Variants in POLR1H observed in about 807,000 individuals in gnomAD.
POLR1H encodes the protein RNA polymerase I subunit H, also known as DNA-directed RNA polymerase I subunit RPA12.
POLR1H carries 5 observed loss-of-function variants against 15.8 expected under a neutral mutation model. That is an observed-to-expected ratio of 0.32 (90% CI 0.17 to 0.67). POLR1H has a LOEUF of 0.67. POLR1H is among the 30% of genes least tolerant of loss of function. The pLI is 0.74. For synonymous variants in POLR1H, 43 were observed against 58.3 expected (o/e 0.74, Z 1.20); for missense variants, 100 against 163.4 (o/e 0.61, Z 2.11).
At chr6:30,061,258 C>T (rs1451498141), upstream of POLR1H, 2 of 389,458 alleles carry the variant, frequency 5.1e-6, no homozygotes, top group East Asian at 8.0e-5. This position sits in a 1 kb window ranked among gnomAD's most constrained non-coding sequence, Gnocchi z 5.0. Flanking sequence ...TGCCCCGCCG[C>T]GGGCGCAGAG....
chr6:30,062,961 C>A (rs1235755016), intron 3 of POLR1H, among the ~76,000 whole-genome samples: 1 of 151,556 alleles, frequency 6.6e-6, no homozygotes, highest in Non-Finnish European at 1.5e-5. Flanking sequence ...ATACTGCAGT[C>A]TTCAACCGCA....
chr6:30,061,332 C>G lies in POLR1H; in HGVS notation c.-193C>G, dbSNP rs7770557. 0.12 allele frequency: 70,581 copies of G among 595,568 alleles called. 5,766 individuals are homozygous for G. Among genetic ancestry groups the G allele is most frequent in the African/African-American group, 0.27 (14,245 of 53,474 alleles). 36.9% of individuals were successfully genotyped at this position (595,568 alleles called of 1,614,324 possible). ...CCGGCCCCTGGAAAGGGTTCCAAGT[C>G]CTTTAGTACCCGACGCTGTCTGGGA... is the stretch of plus-strand genomic sequence containing the variant. On this transcript the variant is annotated 5_prime_UTR_variant, in exon 1 of 4. Transcript: ENST00000332435. The surrounding 1 kb of genome is among the most constrained non-coding windows in gnomAD (Gnocchi z 5.0).
In POLR1H at chr6:30,061,823, G is replaced by A; in HGVS notation, c.146-94G>A. The stretch of plus-strand genomic sequence containing the variant: ...ATGAAAACTGAGGGAAAGGATGTAG[G>A]GCCTCCTGGCCTAACCAGCCAGGGG... On this transcript the variant is annotated intron_variant, in intron 1 of 3. Transcript: ENST00000332435. The surrounding 1 kb of genome is among the most constrained non-coding windows in gnomAD (Gnocchi z 5.0). The A allele has an allele frequency of 6.5e-7, 1 of 1,541,544 alleles. No homozygotes were observed. The highest frequency in any genetic ancestry group is 1.2e-5 in the South Asian group (1 of 86,868).
rs2127297651 is a variant in POLR1H at position 30,064,747 on chromosome 6, G to A, written c.*50G>A. ...TCCCTCCCTCCTTTCGGAAGGTGAA[G>A]GATACTGGGTTTTTAGATGCCTTGT... is the stretch of plus-strand genomic sequence containing the variant. On this transcript the variant is annotated 3_prime_UTR_variant, in exon 4 of 4. Transcript: ENST00000332435. 3.8e-6 allele frequency: 6 copies of A among 1,568,528 alleles called. No individual in the cohort carries two copies. The highest frequency in any genetic ancestry group is 1.4e-5 in the African/African-American group (1 of 73,268).
In POLR1H at chr6:30,061,988, G is replaced by A; in HGVS notation, c.217G>A (p.Glu73Lys). The change falls in exon 2 of 4, where the codon GAG becomes AAG. Residue 73 changes from glutamate (E) to lysine (K), a missense_variant. Physicochemically the swap from Glu to Lys is moderately conservative, Grantham distance 56. Coordinates refer to ENST00000332435, the MANE Select transcript of POLR1H (RefSeq NM_170783.4). The surrounding 1 kb of genome is among the most constrained non-coding windows in gnomAD (Gnocchi z 5.0). ...GGGGACAGCCATGCCTATGTCGGTG[G>A]AGGAAGGGCCTGAGTGCCAGGGACC... ...QLGTAMPMSVEEGPECQGPVV... is the reference protein window; with the variant it reads ...QLGTAMPMSVKEGPECQGPVV... 6.2e-7 allele frequency: 1 copy of A among 1,613,140 alleles called. No individual in the cohort carries two copies. Among genetic ancestry groups the A allele is most frequent in the Non-Finnish European group, 8.5e-7 (1 of 1,180,046 alleles).
intron 2 of POLR1H, 59 bp from the exon 3 acceptor site, chr6:30,062,165 T>C: frequency 6.7e-7 from 1 of 1,495,904 alleles, no homozygotes; most frequent in Admixed American, 1.7e-5. Context: ...GATCGCCTGA[T>C]TCCTGTGGGA....
At chr6:30,062,712 G>C (rs1172898276) in intron 3 of POLR1H, among the ~76,000 whole-genome samples, 1 of 96,188 alleles carries the variant, frequency 1.0e-5, no homozygotes, top group Admixed American at 1.2e-4. Flanking sequence ...CACCACGCCT[G>C]GCTTTTTTTT....
In POLR1H at chr6:30,061,577, AT is replaced by A; in HGVS notation, c.56del (p.Phe19SerfsTer37). ...NTCSSFQSDL[D>X]FCSDCGSVLP... Reference sequence around the variant, plus strand: ...TGCTCCAGCTTTCAGTCGGACCTGGATTTCTGTTCAGATTGCGGCTCGGTCC... The same window carrying A: ...TGCTCCAGCTTTCAGTCGGACCTGGATTCTGTTCAGATTGCGGCTCGGTCC... On this transcript the variant is annotated frameshift_variant, in exon 1 of 4. Transcript: ENST00000332435. LOFTEE classifies it high-confidence loss of function. The surrounding 1 kb of genome is among the most constrained non-coding windows in gnomAD (Gnocchi z 5.0). 1 of 1,612,976 alleles carries A rather than the reference AT, an allele frequency of 6.2e-7. No individual in the cohort carries two copies. Among genetic ancestry groups the A allele is most frequent in the Non-Finnish European group, 8.5e-7 (1 of 1,180,006 alleles).
intron 3 of POLR1H, 122 bp downstream of exon 3, chr6:30,062,455 G>T: frequency 1.7e-6 from 1 of 603,020 alleles, no homozygotes. Flanking sequence ...GTGCAGTTCT[G>T]GTAATAGGGA....
At position 30,061,854 on chromosome 6, in the gene POLR1H, G is replaced by A. The variant is rs1765102371; in HGVS notation, c.146-63G>A. The A allele has an allele frequency of 6.3e-7, 1 of 1,582,318 alleles. No individual in the cohort carries two copies. The highest frequency in any genetic ancestry group is 1.3e-5 in the African/African-American group (1 of 74,216). On this transcript the variant is annotated intron_variant, in intron 1 of 3. Coordinates refer to ENST00000332435, the MANE Select transcript of POLR1H (RefSeq NM_170783.4). The surrounding 1 kb of genome is among the most constrained non-coding windows in gnomAD (Gnocchi z 5.0). ...CTGGCCTAACCAGCCAGGGGAAAGG[G>A]GAGGTTTCCGGTGTCAGCTCTCTCT...
At position 30,061,863 on chromosome 6, in the gene POLR1H, C is replaced by T. The variant is rs745469067; in HGVS notation, c.146-54C>T. The T allele has an allele frequency of 3.0e-5, 47 of 1,590,698 alleles. No individual in the cohort carries two copies. Among genetic ancestry groups the T allele is most frequent in the Non-Finnish European group, 3.8e-5 (44 of 1,161,100 alleles). Reference sequence around the variant, plus strand: ...CCAGCCAGGGGAAAGGGGAGGTTTCCGGTGTCAGCTCTCTCTGGTTGTCTC... The same window carrying T: ...CCAGCCAGGGGAAAGGGGAGGTTTCTGGTGTCAGCTCTCTCTGGTTGTCTC... On this transcript the variant is annotated intron_variant, in intron 1 of 3. Coordinates refer to ENST00000332435, the MANE Select transcript of POLR1H (RefSeq NM_170783.4). The surrounding 1 kb of genome is among the most constrained non-coding windows in gnomAD (Gnocchi z 5.0).
At position 30,061,398 on chromosome 6, in the gene POLR1H, C is replaced by A; in HGVS notation, c.-127C>A. On this transcript the variant is annotated 5_prime_UTR_variant, in exon 1 of 4. Transcript: ENST00000332435. The surrounding 1 kb of genome is among the most constrained non-coding windows in gnomAD (Gnocchi z 5.0). ...GCTCCTTGGTCGCAGAGGCAGGAGG[C>A]GTGCGTGGCAGGAGGGTTCGGGTTA... The A allele has an allele frequency of 9.6e-7, 1 of 1,039,788 alleles. No individual in the cohort carries two copies. The highest frequency in any genetic ancestry group is 1.4e-6 in the Non-Finnish European group (1 of 722,610). The allele number at this position is 1,039,788 out of a possible 1,614,324, so 64.4% of individuals were successfully genotyped here.
In POLR1H at chr6:30,063,088, T is replaced by C. The variant is rs1284275444; in HGVS notation, c.356+755T>C. Among the ~76,000 whole-genome samples the C allele has an allele frequency of 6.6e-6, 1 of 152,164 alleles. No homozygotes were observed. Among genetic ancestry groups the C allele is most frequent in the Non-Finnish European group, 1.5e-5 (1 of 68,022 alleles). ...GGTGTTCTGCAGTCACTATAGTATA[T>C]CAAAATACGATTTTCTTTTATTCTG... On this transcript the variant is annotated intron_variant, in intron 3 of 3. Coordinates refer to ENST00000332435, the MANE Select transcript of POLR1H (RefSeq NM_170783.4). This position sits in a 1 kb window ranked among gnomAD's most constrained non-coding sequence, Gnocchi z 4.1.
Position 30,063,452 on chromosome 6 carries a change from A to G in POLR1H, c.356+1119A>G, listed in dbSNP as rs1765275297. ...TTGAGTTCTATTTAATTACTTTTCA[A>G]ATCTCCTTAATTTTTAAATAATTAT... On this transcript the variant is annotated intron_variant, in intron 3 of 3. Transcript: ENST00000332435. This position sits in a 1 kb window ranked among gnomAD's most constrained non-coding sequence, Gnocchi z 4.1. 6.6e-6 allele frequency among the ~76,000 whole-genome samples: 1 copy of G among 151,550 alleles called. No individual in the cohort carries two copies. The highest frequency in any genetic ancestry group is 2.1e-4 in the South Asian group (1 of 4,830).
rs9280878 is a variant in POLR1H at position 30,061,395 on chromosome 6, A to AG, written c.-128dup. ...TCGGCTCCTTGGTCGCAGAGGCAGG[A>AG]GGCGTGCGTGGCAGGAGGGTTCGGG... On this transcript the variant is annotated 5_prime_UTR_variant, in exon 1 of 4. Coordinates refer to ENST00000332435, the MANE Select transcript of POLR1H (RefSeq NM_170783.4). This position sits in a 1 kb window ranked among gnomAD's most constrained non-coding sequence, Gnocchi z 5.0. 49,516 of 1,014,950 alleles carry AG rather than the reference A, an allele frequency of 0.049. 1,577 individuals are homozygous for AG. Among genetic ancestry groups the AG allele is most frequent in the East Asian group, 0.073 (2,883 of 39,536 alleles). The allele number at this position is 1,014,950 out of a possible 1,614,324, so 62.9% of individuals were successfully genotyped here. A position where few individuals can be genotyped will look rare whatever the true frequency, so the allele number is the denominator to read the frequency against.
At position 30,061,968 on chromosome 6, in the gene POLR1H, C is replaced by A; in HGVS notation, c.197C>A (p.Thr66Lys). Residue 66 changes from threonine (T) to lysine (K), a missense_variant, in exon 2 of 4, where the codon ACA (threonine) becomes AAA (lysine). Around this residue, in one of 2 missense-constraint regions of POLR1H, gnomAD observed 87 missense variants for 119.8 expected, o/e 0.73. Transcript: ENST00000332435. The surrounding 1 kb of genome is among the most constrained non-coding windows in gnomAD (Gnocchi z 5.0). ...TCGGTTGTGTTCCACCAACTGGGGA[C>A]AGCCATGCCTATGTCGGTGGAGGAA... Reference protein sequence around the residue: ...KTSVVFHQLGTAMPMSVEEGP... With the variant: ...KTSVVFHQLGKAMPMSVEEGP... The A allele has an allele frequency of 1.2e-6, 2 of 1,613,084 alleles. No individual in the cohort carries two copies.
rs956160607 is a variant in POLR1H, at chr6:30,061,876, C to T, written c.146-41C>T. ...AGGGGAGGTTTCCGGTGTCAGCTCT[C>T]TCTGGTTGTCTCCATAACCAGTTCT... On this transcript the variant is annotated intron_variant, in intron 1 of 3. Transcript: ENST00000332435. The surrounding 1 kb of genome is among the most constrained non-coding windows in gnomAD (Gnocchi z 5.0). 1 of 1,599,900 alleles carries T rather than the reference C, an allele frequency of 6.3e-7. No individual in the cohort carries two copies. Among genetic ancestry groups the T allele is most frequent in the Non-Finnish European group, 8.6e-7 (1 of 1,168,250 alleles).
Position 30,061,933 on chromosome 6 carries a change from T to G in POLR1H, c.162T>G (p.Val54=). 6.2e-7 allele frequency: 1 copy of G among 1,613,098 alleles called. No homozygotes were observed. Among genetic ancestry groups the G allele is most frequent in the Non-Finnish European group, 8.5e-7 (1 of 1,180,010 alleles). The change falls in exon 2 of 4, where the codon GTT becomes GTG. Residue 54 remains valine, a synonymous_variant. Transcript: ENST00000332435. This position sits in a 1 kb window ranked among gnomAD's most constrained non-coding sequence, Gnocchi z 5.0. ...NINVRDFEGK[V]VKTSVVFHQL... ...CCTGTGCAGACTTTGAGGGGAAGGT[T>G]GTGAAGACTTCGGTTGTGTTCCACC...
At position 30,063,559 on chromosome 6, in the gene POLR1H, T is replaced by C. The variant is rs1258026744; in HGVS notation, c.357-1114T>C. Among the ~76,000 whole-genome samples, 22 of 151,868 alleles carry C rather than the reference T, an allele frequency of 1.4e-4. No homozygotes were observed. In the South Asian group the frequency reaches 3.9e-3, roughly 27 times the overall value. ...AAAATATTAAATATGGTTATTATAT[T>C]CTATGTCTTATAATTCTGATATCTG... On this transcript the variant is annotated intron_variant, in intron 3 of 3. Coordinates refer to ENST00000332435, the MANE Select transcript of POLR1H (RefSeq NM_170783.4). The surrounding 1 kb of genome is among the most constrained non-coding windows in gnomAD (Gnocchi z 4.1).
Sources: allele counts gnomAD v4.1 joint callset (sites outside exome capture counted in the v4.1 genomes callset), GRCh38; gene constraint gnomAD v4.1.1; regional missense constraint gnomAD v4.1.1; non-coding constraint Gnocchi (gnomAD v3.1); transcripts MANE v1.5; gene names NCBI Gene and HGNC (gene_info 2026-07-23, HGNC 2026-07-21).